The following SAMD3 variants were observed in gnomAD, a reference collection of about 807,000 sequenced individuals.
SAMD3 encodes the protein sterile alpha motif domain-containing protein 3.
Under a neutral mutation model 58.5 loss-of-function variants are expected in SAMD3, and 63 were observed. The observed-to-expected ratio is 1.08, with a 90% CI of 0.88 to 1.33. SAMD3 has a LOEUF of 1.33. Among genes scored for constraint, SAMD3 ranks in the 40% most tolerant of loss-of-function variants. The pLI, the probability that SAMD3 is intolerant of heterozygous loss-of-function variation, is 0.00. For missense variants in SAMD3, 604 were observed against 608.4 expected (o/e 0.99, Z 0.08); for synonymous variants, 220 against 210.3 (o/e 1.05, Z -0.40).
chr6:130,302,636 A>G (rs1775789466), intron 2 of SAMD3, among the ~76,000 whole-genome samples: 1 of 152,226 alleles, frequency 6.6e-6, no homozygotes, highest in Admixed American at 6.5e-5. Context: ...TTGTATGTTT[A>G]TCTCAGCAGT....
chr6:130,260,500 G>T (rs1179437124), intron 2 of SAMD3, among the ~76,000 whole-genome samples: 1 of 152,176 alleles, frequency 6.6e-6, no homozygotes, highest in African/African-American at 2.4e-5. Context: ...TTGCTCACTT[G>T]GGGAGCTTGG....
At chr6:130,298,534 T>C (rs980348507) in intron 2 of SAMD3, among the ~76,000 whole-genome samples, 8 of 152,146 alleles carry the variant, frequency 5.3e-5, no homozygotes, top group African/African-American at 1.9e-4. Flanking sequence ...GATATTAACC[T>C]CTGGGACATA....
intron 1 of SAMD3, among the ~76,000 whole-genome samples, chr6:130,221,085 A>C (rs957681525): frequency 1.3e-5 from 2 of 151,888 alleles, no homozygotes; most frequent in African/African-American, 4.8e-5. Context: ...CGATCTCCTG[A>C]CCTTGTGATC....
chr6:130,297,771 A>G lies in SAMD3; in HGVS notation c.-188+15207T>C, dbSNP rs143775855. On this transcript the variant is annotated intron_variant, in intron 2 of 13. Transcript: ENST00000368134. ...TCTTTAACAATAGGCTAGGCAAAGCAGAAGAAAGCATTTCAGAGCTTGAAC... is the reference window on the plus strand; with the variant it reads ...TCTTTAACAATAGGCTAGGCAAAGCGGAAGAAAGCATTTCAGAGCTTGAAC... Among the ~76,000 whole-genome samples the G allele has an allele frequency of 7.5e-3, 1,135 of 152,336 alleles. 17 individuals are homozygous for G. Among genetic ancestry groups the G allele is most frequent in the African/African-American group, 0.025 (1,029 of 41,584 alleles).
Position 130,255,043 on chromosome 6 carries a change from C to T in SAMD3, c.-187-32230G>A, listed in dbSNP as rs570867264. Among the ~76,000 whole-genome samples the T allele has an allele frequency of 7.2e-5, 11 of 152,150 alleles. No homozygotes were observed. The South Asian group carries it at 2.3e-3, about 32-fold the overall frequency. ...ATTGTTTCAATTTCTCTTTTAATTT[C>T]TTCATTGACCTATTTGTTGTTCAGG... On this transcript the variant is annotated intron_variant, in intron 2 of 13. Coordinates refer to the SAMD3 transcript ENST00000368134.
At position 130,318,037 on chromosome 6, in the gene SAMD3, T is replaced by A. The variant is rs544532326; in HGVS notation, c.-303-4944A>T. Among the ~76,000 whole-genome samples, 6 of 152,330 alleles carry A rather than the reference T, an allele frequency of 3.9e-5. No homozygotes were observed. In the East Asian group the frequency reaches 1.2e-3, roughly 29 times the overall value. ...TGTAGGGAGTCTTTAAGTATTCAACTGAGTACTGATCAACACATGCATGTT... is the reference window on the plus strand; with the variant it reads ...TGTAGGGAGTCTTTAAGTATTCAACAGAGTACTGATCAACACATGCATGTT... On this transcript the variant is annotated intron_variant, in intron 1 of 13. Coordinates refer to the SAMD3 transcript ENST00000368134.
chr6:130,361,524 T>C (rs1299461170), intron 1 of SAMD3, among the ~76,000 whole-genome samples: 1 of 152,242 alleles, frequency 6.6e-6, no homozygotes, highest in Non-Finnish European at 1.5e-5. Flanking sequence ...GAAATCTTGA[T>C]ATTTATAAAC....
chr6:130,269,671 T>G (rs544183142), intron 2 of SAMD3, among the ~76,000 whole-genome samples: 4 of 151,594 alleles, frequency 2.6e-5, no homozygotes, highest in African/African-American at 7.3e-5. Flanking sequence ...AAACAGCACT[T>G]TTTTTCATTG....
chr6:130,365,360 G>C lies in SAMD3; in HGVS notation c.-544C>G, dbSNP rs190794719. Reference sequence around the variant, plus strand: ...CCCATGGTTCTCGCCCCCCCAAGCCGTTCTCCGGAACCCCTTGCCGGGCCG... The same window carrying C: ...CCCATGGTTCTCGCCCCCCCAAGCCCTTCTCCGGAACCCCTTGCCGGGCCG... On this transcript the variant is annotated 5_prime_UTR_variant, in exon 1 of 14. Coordinates refer to the SAMD3 transcript ENST00000368134. 8.4e-5 allele frequency: 83 copies of C among 985,530 alleles called. 1 individual carries two copies. In the East Asian group the frequency reaches 8.5e-3, roughly 101 times the overall value. 61.0% of individuals were successfully genotyped at this position (985,530 alleles called of 1,614,324 possible).
At chr6:130,226,655 C>T (rs935070130), upstream of SAMD3, among the ~76,000 whole-genome samples, 5 of 152,174 alleles carry the variant, frequency 3.3e-5, no homozygotes, top group South Asian at 2.1e-4. Flanking sequence ...GGTGAAACCC[C>T]GTCTCTACTA....
intron 5 of SAMD3, among the ~76,000 whole-genome samples, chr6:130,187,910 C>G (rs1264258128): frequency 6.6e-6 from 1 of 152,176 alleles, no homozygotes; most frequent in Non-Finnish European, 1.5e-5. Context: ...AACTAGGAAG[C>G]TTTTAAAACA....
At chr6:130,248,643 A>G (rs1773638006) in intron 2 of SAMD3, among the ~76,000 whole-genome samples, 1 of 152,174 alleles carries the variant, frequency 6.6e-6, no homozygotes, top group South Asian at 2.1e-4. Context: ...GAAAGAAAAA[A>G]GCAAGGAAGA....
intron 2 of SAMD3, among the ~76,000 whole-genome samples, chr6:130,272,243 T>C (rs1562492167): frequency 6.6e-6 from 1 of 152,198 alleles, no homozygotes; most frequent in African/African-American, 2.4e-5. Flanking sequence ...TAATAATCCC[T>C]TTTTCTCTGT....
intron 1 of SAMD3, among the ~76,000 whole-genome samples, chr6:130,357,723 AT>A (rs1279613044): frequency 2.0e-5 from 3 of 152,254 alleles, no homozygotes; most frequent in African/African-American, 4.8e-5. Flanking sequence ...TGTTAAAAAA[AT>A]AATTTCAAAT....
intron 1 of SAMD3, among the ~76,000 whole-genome samples, chr6:130,350,358 A>G (rs1001030914): frequency 2.6e-5 from 4 of 152,028 alleles, no homozygotes; most frequent in African/African-American, 9.7e-5. Context: ...TAAGCTGATA[A>G]GCAACTTCAG....
chr6:130,219,969 A>G (rs1796150767), intron 1 of SAMD3, among the ~76,000 whole-genome samples: 1 of 152,208 alleles, frequency 6.6e-6, no homozygotes, highest in Admixed American at 6.5e-5. Context: ...GAGCACAGTC[A>G]TAGTAACTTA....
intron 1 of SAMD3, among the ~76,000 whole-genome samples, chr6:130,343,413 T>C (rs1261664466): frequency 6.6e-6 from 1 of 152,164 alleles, no homozygotes; most frequent in African/African-American, 2.4e-5. Flanking sequence ...ATAAAAGGCA[T>C]ATCTCTGCAG....
Position 130,209,500 on chromosome 6 carries a change from T to C in SAMD3, c.378A>G (p.Lys126=). 1 of 1,593,022 alleles carries C rather than the reference T, an allele frequency of 6.3e-7. No individual in the cohort carries two copies. ...DNGLIDQRVL[K]QRRNVKQILA... is the part of the protein sequence containing the mutation. The stretch of plus-strand genomic sequence containing the variant: ...CTTAAAGTTGGTACCCCCACCTCTG[T>C]TTCAATACTCTTTGGTCAATTAGTC... The change falls in exon 5 of 12, where the codon AAA becomes AAG. Residue 126 remains lysine, a synonymous_variant. Transcript: ENST00000439090.
At chr6:130,255,307 G>A (rs1018692924) in intron 2 of SAMD3, among the ~76,000 whole-genome samples, 1 of 152,096 alleles carries the variant, frequency 6.6e-6, no homozygotes, top group Non-Finnish European at 1.5e-5. Context: ...ACATCAGTTA[G>A]GTCCATTTGA....
Sources: allele counts gnomAD v4.1 joint callset (sites outside exome capture counted in the v4.1 genomes callset), GRCh38; gene constraint gnomAD v4.1.1; transcripts MANE v1.5; gene names NCBI Gene and HGNC (gene_info 2026-07-23, HGNC 2026-07-21).